Variants in FNIP1 observed in about 807,000 individuals in gnomAD.
FNIP1 encodes the protein folliculin interacting protein 1, also known as folliculin-interacting protein 1.
FNIP1 carries 40 observed loss-of-function variants against 124.5 expected under a neutral mutation model. The observed-to-expected ratio is 0.32, with a 90% CI of 0.25 to 0.42. The LOEUF is 0.42. Ranked by LOEUF, FNIP1 falls within the 10% of genes least tolerant of loss-of-function variation. The probability of loss-of-function intolerance (pLI) is 1.00; values close to 1 mark genes in which losing one functional copy is unlikely to be tolerated. For synonymous variants in FNIP1, 472 were observed against 470.6 expected (o/e 1.00, Z -0.04); for missense variants, 1,176 against 1,403.7 (o/e 0.84, Z 2.59).
At chr5:131,647,380 T>C (rs1024152893) in intron 16 of FNIP1, among the ~76,000 whole-genome samples, 175 bp from the exon 17 acceptor site, 2 of 152,052 alleles carry the variant, frequency 1.3e-5, no homozygotes, top group Non-Finnish European at 2.9e-5. Flanking sequence ...AGTGAAACTT[T>C]TTCTGGCTCA....
At chr5:131,752,406 T>C (rs941326036) in intron 1 of FNIP1, among the ~76,000 whole-genome samples, 1 of 152,082 alleles carries the variant, frequency 6.6e-6, no homozygotes, top group African/African-American at 2.4e-5. Flanking sequence ...TTATAAAGCT[T>C]CTATAAAGAA....
chr5:131,738,979 C>G (rs1221426965), intron 2 of FNIP1, among the ~76,000 whole-genome samples: 1 of 151,852 alleles, frequency 6.6e-6, no homozygotes, highest in Non-Finnish European at 1.5e-5. Flanking sequence ...CCACACCCAG[C>G]TAATTTTTAT....
At chr5:131,718,305 G>A (rs540670310) in intron 5 of FNIP1, among the ~76,000 whole-genome samples, 31 of 152,280 alleles carry the variant, frequency 2.0e-4, no homozygotes, top group Admixed American at 1.2e-3. Flanking sequence ...AATTAATGGG[G>A]GCTCTACAGA....
rs1191819791 is a variant in FNIP1 at position 131,672,895 on chromosome 5, C to T, written c.1549G>A (p.Val517Ile). 4 of 1,571,432 alleles carry T rather than the reference C, an allele frequency of 2.5e-6. No homozygotes were observed. The highest frequency in any genetic ancestry group is 3.4e-6 in the Non-Finnish European group (4 of 1,161,584). Residue 517 changes from valine to isoleucine, a missense_variant, in exon 14 of 18, where the codon GTA (valine) becomes ATA (isoleucine). Around this residue, in one of 2 missense-constraint regions of FNIP1, gnomAD observed 1,109 missense variants for 1,288.5 expected, o/e 0.86. Transcript: ENST00000510461. ...GDLYGAIGSP[V>I]RLARTVVVGK... ...ACTACCACAGTCCTTGCTAACCGTA[C>T]GGGAGAGCCAATAGCGCCATACAAG...
chr5:131,756,504 G>A (rs1291544072), intron 1 of FNIP1, among the ~76,000 whole-genome samples: 1 of 152,090 alleles, frequency 6.6e-6, no homozygotes, highest in Non-Finnish European at 1.5e-5. Context: ...CCAAGTTGAG[G>A]GGAAGGAATC....
chr5:131,695,144 T>C (rs1434136777), intron 11 of FNIP1, among the ~76,000 whole-genome samples: 1 of 149,428 alleles, frequency 6.7e-6, no homozygotes, highest in African/African-American at 2.5e-5. Flanking sequence ...AATAAATAAA[T>C]AAATAAATAA....
chr5:131,730,208 G>A (rs945221720), intron 3 of FNIP1, among the ~76,000 whole-genome samples: 1 of 152,130 alleles, frequency 6.6e-6, no homozygotes, highest in Non-Finnish European at 1.5e-5. Context: ...AAATCCAAGT[G>A]GAGTTTAGTA....
intron 17 of FNIP1, among the ~76,000 whole-genome samples, chr5:131,646,217 A>C (rs1766875751): frequency 6.6e-6 from 1 of 152,196 alleles, no homozygotes; most frequent in African/African-American, 2.4e-5. Flanking sequence ...ACAGAATATA[A>C]ATAGGGTCTA....
chr5:131,710,483 A>C (rs1769249053), intron 7 of FNIP1, 95 bp downstream of exon 7: 4 of 1,090,420 alleles, frequency 3.7e-6, no homozygotes, highest in Admixed American at 2.9e-5. Flanking sequence ...AACCTCACCA[A>C]CTGCATTCAT....
Position 131,651,944 on chromosome 5 carries a change from T to C in FNIP1, c.3164A>G (p.Asp1055Gly). ...ACTGGCCACTTGAACAGTCCATTTA[T>C]CCATGTCAGCTATAATACAGACAGC... ...AEAVCIIADM[D>G]KWTVQVASSQ... The change falls in exon 16 of 18, where the codon GAT (aspartate) becomes GGT (glycine). Residue 1055 changes from aspartate to glycine, a missense_variant. Physicochemically the swap from Asp to Gly is moderately conservative, Grantham distance 94. Around this residue, in one of 2 missense-constraint regions of FNIP1, gnomAD observed 1,109 missense variants for 1,288.5 expected, o/e 0.86. Transcript: ENST00000510461. 5 of 1,614,134 alleles carry C rather than the reference T, an allele frequency of 3.1e-6. No homozygotes were observed. The highest frequency in any genetic ancestry group is 3.4e-6 in the Non-Finnish European group (4 of 1,180,026).
intron 1 of FNIP1, among the ~76,000 whole-genome samples, chr5:131,783,689 A>G (rs1055943142): frequency 1.3e-5 from 2 of 152,200 alleles, no homozygotes; most frequent in Non-Finnish European, 2.9e-5. Context: ...AGAAAAATCA[A>G]GAAAACCCCC....
At chr5:131,706,576 G>A in intron 8 of FNIP1, 30 bp from the exon 9 acceptor site, 1 of 1,498,856 alleles carries the variant, frequency 6.7e-7, no homozygotes, top group Non-Finnish European at 8.9e-7. Flanking sequence ...ACAAGTATAA[G>A]TCAATAATGA....
chr5:131,644,639 G>T lies in FNIP1; in HGVS notation c.*46C>A. ...AAATGCATGTTGTGTCTGCTTCCTT[G>T]GTTTCTACCTATTTTCCCACCAATT... On this transcript the variant is annotated 3_prime_UTR_variant, in exon 18 of 18. Transcript: ENST00000510461. The T allele has an allele frequency of 2.0e-6, 3 of 1,518,686 alleles. No individual in the cohort carries two copies. Among genetic ancestry groups the T allele is most frequent in the South Asian group, 1.1e-5 (1 of 88,868 alleles). 94.1% of individuals were successfully genotyped at this position (1,518,686 alleles called of 1,614,324 possible). A position where few individuals can be genotyped will look rare whatever the true frequency, so the allele number is the denominator to read the frequency against.
chr5:131,758,755 C>T (rs927815875), intron 1 of FNIP1, among the ~76,000 whole-genome samples: 12 of 152,090 alleles, frequency 7.9e-5, no homozygotes, highest in South Asian at 2.1e-4. Flanking sequence ...TACACACTGA[C>T]GCTGCACCTC....
intron 1 of FNIP1, among the ~76,000 whole-genome samples, chr5:131,782,407 C>A (rs12719447): frequency 0.75 from 113,168 of 151,864 alleles, 42,433 homozygotes; most frequent in Middle Eastern, 0.81. Context: ...AAAACAAAAA[C>A]CAAACACGCA....
intron 1 of FNIP1, among the ~76,000 whole-genome samples, chr5:131,745,573 T>C (rs558658510): frequency 5.9e-5 from 9 of 152,142 alleles, no homozygotes; most frequent in Middle Eastern, 3.4e-3. Context: ...AGAACACAGT[T>C]TTTTAAAAAT....
chr5:131,758,516 A>G (rs1236139865), intron 1 of FNIP1, among the ~76,000 whole-genome samples: 1 of 152,202 alleles, frequency 6.6e-6, no homozygotes, highest in African/African-American at 2.4e-5. Context: ...ATTCACACAA[A>G]TTTATATGCT....
At chr5:131,673,745 T>C (rs1767833816) in intron 13 of FNIP1, among the ~76,000 whole-genome samples, 1 of 152,238 alleles carries the variant, frequency 6.6e-6, no homozygotes, top group Admixed American at 6.5e-5. Flanking sequence ...ATTTAAATCA[T>C]ATCTCTGGGG....
chr5:131,770,442 G>A (rs1771590532), intron 1 of FNIP1, among the ~76,000 whole-genome samples: 5 of 152,236 alleles, frequency 3.3e-5, no homozygotes, highest in Admixed American at 3.3e-4. Context: ...TGTTCTTTTA[G>A]AAAAACCAAG....
Sources: allele counts gnomAD v4.1 joint callset (sites outside exome capture counted in the v4.1 genomes callset), GRCh38; gene constraint gnomAD v4.1.1; regional missense constraint gnomAD v4.1.1; transcripts MANE v1.5; gene names NCBI Gene and HGNC (gene_info 2026-07-23, HGNC 2026-07-21).